PVT1: variants seen among roughly 807,000 people sequenced by gnomAD.
PVT1 encodes CXCR4/PVT1 fusion.
At chr8:127,936,343 C>T (rs1345239571) in intron 3 of PVT1, among the ~76,000 whole-genome samples, 2 of 152,102 alleles carry the variant, frequency 1.3e-5, no homozygotes, top group Non-Finnish European at 2.9e-5. Context: ...TGAGCCACCC[C>T]ACCTGGTCGA....
At chr8:127,893,498 C>T (rs1442105138) in intron 3 of PVT1, among the ~76,000 whole-genome samples, 3 of 152,158 alleles carry the variant, frequency 2.0e-5, no homozygotes, top group Non-Finnish European at 2.9e-5. Context: ...CTGCCTGCCT[C>T]GGCCTCCTAA....
At position 128,058,228 on chromosome 8, in the gene PVT1, C is replaced by T. The variant is rs144149446; in HGVS notation, n.913-11932C>T. ...TTGGGTAAATTAATGAATAGTGATT[C>T]GACCTAACCAATTAAATCCCTGGGA... On this transcript the variant is annotated intron_variant and non_coding_transcript_variant, in intron 4 of 10. Transcript: ENST00000651587. 3.4e-3 allele frequency among the ~76,000 whole-genome samples: 515 copies of T among 152,254 alleles called. 2 individuals are homozygous for T. Among genetic ancestry groups the T allele is most frequent in the African/African-American group, 0.011 (477 of 41,534 alleles).
At chr8:127,977,578 C>T (rs1049203808) in intron 3 of PVT1, among the ~76,000 whole-genome samples, 1 of 152,022 alleles carries the variant, frequency 6.6e-6, no homozygotes, top group Non-Finnish European at 1.5e-5. Context: ...ACTAAAAATA[C>T]AAAAAAGTTA....
chr8:127,865,599 T>C (rs1815278388), intron 2 of PVT1, among the ~76,000 whole-genome samples: 1 of 152,036 alleles, frequency 6.6e-6, no homozygotes, highest in African/African-American at 2.4e-5. Context: ...GGAATAACCG[T>C]CCCTAGAAGT....
chr8:127,953,353 T>C (rs1816530060), intron 3 of PVT1, among the ~76,000 whole-genome samples: 1 of 152,176 alleles, frequency 6.6e-6, no homozygotes, highest in Non-Finnish European at 1.5e-5. Context: ...ATGTTGGAGA[T>C]ATCAGCCTGT....
rs768787875 is a variant in PVT1 at position 128,089,667 on chromosome 8, T to TG, written n.1115-6843dup. On this transcript the variant is annotated intron_variant and non_coding_transcript_variant, in intron 5 of 10. Coordinates refer to ENST00000651587, the Ensembl canonical transcript of PVT1. Reference sequence around the variant, plus strand: ...ACACACAATTACGCATAGCAGGGTGTGGGGGGGGTCATAATTGGAAAAGTA... The same window carrying TG: ...ACACACAATTACGCATAGCAGGGTGTGGGGGGGGGTCATAATTGGAAAAGTA... Among the ~76,000 whole-genome samples the TG allele has an allele frequency of 2.7e-3, 414 of 151,884 alleles. 1 individual carries two copies. The highest frequency in any genetic ancestry group is 6.2e-3 in the African/African-American group (257 of 41,408).
intron 2 of PVT1, among the ~76,000 whole-genome samples, chr8:127,882,637 C>T (rs530473034): frequency 6.6e-6 from 1 of 152,262 alleles, no homozygotes; most frequent in Non-Finnish European, 1.5e-5. Flanking sequence ...GTGCCCGCCA[C>T]CACGCCCAGC....
intron 4 of PVT1, among the ~76,000 whole-genome samples, chr8:128,046,625 C>A (rs1813616464): frequency 6.6e-6 from 1 of 152,174 alleles, no homozygotes; most frequent in Admixed American, 6.5e-5. Context: ...AGGGAGAAGC[C>A]CAGCTCCTTA....
chr8:128,020,040 C>T (rs1461331928), intron 4 of PVT1, among the ~76,000 whole-genome samples: 2 of 141,900 alleles, frequency 1.4e-5, no homozygotes. Flanking sequence ...GTCTTTTCCA[C>T]CACCCCTCAC....
chr8:127,897,993 A>G (rs2129818457), intron 3 of PVT1, among the ~76,000 whole-genome samples: 1 of 146,290 alleles, frequency 6.8e-6, no homozygotes, highest in African/African-American at 2.5e-5. Context: ...AAGGAAAGAA[A>G]GAAGATTCAT....
rs1339752105 is a variant in PVT1, at chr8:127,817,473, A to ATG, written n.372+21403_372+21404insGT. 7.2e-4 allele frequency among the ~76,000 whole-genome samples: 91 copies of ATG among 125,580 alleles called. 1 individual carries two copies. Among genetic ancestry groups the ATG allele is most frequent in the African/African-American group, 3.2e-3 (91 of 28,872 alleles). 82.4% of individuals were successfully genotyped at this position (125,580 alleles called of 152,430 possible). ...AACCCTTAGGGAAATATATATATAT[A>ATG]TATGTGTGTGTGTGTGTGTATATAC... On this transcript the variant is annotated intron_variant and non_coding_transcript_variant, in intron 2 of 10. Transcript: ENST00000651587.
chr8:128,036,715 T>C (rs1324108992), intron 4 of PVT1, among the ~76,000 whole-genome samples: 1 of 152,212 alleles, frequency 6.6e-6, no homozygotes, highest in Non-Finnish European at 1.5e-5. Flanking sequence ...AATGGGAATC[T>C]TGCCCCTGTC....
At chr8:127,987,037 T>G (rs1816977776) in intron 3 of PVT1, among the ~76,000 whole-genome samples, 1 of 152,142 alleles carries the variant, frequency 6.6e-6, no homozygotes, top group Admixed American at 6.5e-5. Flanking sequence ...ACTCCTTAGC[T>G]CCTCTGAACT....
At chr8:128,077,206 G>A (rs1157960054) in intron 5 of PVT1, among the ~76,000 whole-genome samples, 1 of 152,194 alleles carries the variant, frequency 6.6e-6, no homozygotes, top group East Asian at 1.9e-4. Flanking sequence ...GCCCATCTAA[G>A]TGTCTGGGGT....
At chr8:127,936,279 C>T (rs979902319) in intron 3 of PVT1, among the ~76,000 whole-genome samples, 55 of 152,006 alleles carry the variant, frequency 3.6e-4, no homozygotes, top group African/African-American at 1.0e-3. Flanking sequence ...CTCCAACTCC[C>T]GACCTCAGGT....
intron 3 of PVT1, among the ~76,000 whole-genome samples, chr8:127,905,016 T>C (rs1224677469): frequency 2.0e-5 from 3 of 152,140 alleles, no homozygotes; most frequent in Admixed American, 2.0e-4. Flanking sequence ...CCAGGCTGTG[T>C]TTTGTGTGTC....
chr8:127,807,310 T>C (rs1814538897), intron 2 of PVT1, among the ~76,000 whole-genome samples: 2 of 152,206 alleles, frequency 1.3e-5, no homozygotes, highest in East Asian at 3.8e-4. Context: ...TAACTTTGCC[T>C]TTATTGCTTT....
At chr8:127,999,771 T>C (rs1817154346) in intron 4 of PVT1, among the ~76,000 whole-genome samples, 1 of 152,270 alleles carries the variant, frequency 6.6e-6, no homozygotes, top group African/African-American at 2.4e-5. Flanking sequence ...CCCCATCCAC[T>C]TTTAACAAAC....
chr8:127,930,050 AC>A (rs1816184655), intron 3 of PVT1, among the ~76,000 whole-genome samples: 1 of 152,134 alleles, frequency 6.6e-6, no homozygotes, highest in Non-Finnish European at 1.5e-5. Flanking sequence ...ACTCCCTCTC[AC>A]ATGCTGTAGG....
Sources: gnomAD v4.1 joint callset for allele counts (sites outside exome capture counted in the v4.1 genomes callset) on GRCh38, gnomAD v4.1.1 for gene constraint, MANE v1.5 for transcripts, NCBI Gene and HGNC (gene_info 2026-07-23, HGNC 2026-07-21) for gene names.